The following MAST1 variants were observed in gnomAD, a reference collection of about 807,000 sequenced individuals.
The protein encoded by MAST1 is microtubule associated serine/threonine kinase 1, also known as microtubule-associated serine/threonine-protein kinase 1.
In MAST1, 40 loss-of-function variants were observed where a neutral mutation model predicts 124.6. That is an observed-to-expected ratio of 0.32 (90% CI 0.25 to 0.42). The LOEUF is 0.42. Ranked by LOEUF, MAST1 falls within the 10% of genes least tolerant of loss-of-function variation. The pLI, the probability that MAST1 is intolerant of heterozygous loss-of-function variation, is 1.00. For synonymous variants in MAST1, 938 were observed against 939.4 expected, an observed-to-expected ratio of 1.00 and a Z score of 0.03; for missense variants, 1,558 against 2,181.9, an observed-to-expected ratio of 0.71 and a Z score of 5.70.
chr19:12,847,590 A>T lies in MAST1; in HGVS notation c.489-22A>T. ...GGGCTTGGAGGCAGAGGACTCGACAAAATGGGCTTCTCTCCCCGCAGCCCC... is the reference window on the plus strand; with the variant it reads ...GGGCTTGGAGGCAGAGGACTCGACATAATGGGCTTCTCTCCCCGCAGCCCC... On this transcript the variant is annotated intron_variant, in intron 5 of 25. Transcript: ENST00000251472. The surrounding 1 kb of genome is among the most constrained non-coding windows in gnomAD (Gnocchi z 5.5). 6.2e-7 allele frequency: 1 copy of T among 1,614,006 alleles called. No homozygotes were observed. The highest frequency in any genetic ancestry group is 1.1e-5 in the South Asian group (1 of 91,078).
At chr19:12,852,451 G>T in intron 10 of MAST1, 56 bp downstream of exon 10, 1 of 1,474,638 alleles carries the variant, frequency 6.8e-7, no homozygotes, top group Non-Finnish European at 9.5e-7. Flanking sequence ...GCAGGGTGGG[G>T]CTCATCTCCG....
chr19:12,867,553 C>A lies in MAST1; in HGVS notation c.2219C>A (p.Pro740Gln). The A allele has an allele frequency of 6.2e-7, 1 of 1,613,640 alleles. No homozygotes were observed. Among genetic ancestry groups the A allele is most frequent in the Non-Finnish European group, 8.5e-7 (1 of 1,179,946 alleles). ...VAAAGSSKREPSTKGPEEKVA... is the reference protein window; with the variant it reads ...VAAAGSSKREQSTKGPEEKVA... The stretch of plus-strand genomic sequence containing the variant: ...GCTGCAGGGAGCAGCAAGCGGGAGC[C>A]GAGCACCAAGGGCCCCGAGGAGAAG... Residue 740 changes from proline to glutamine, a missense_variant, in exon 19 of 26, where the codon CCG (proline) becomes CAG (glutamine). By Grantham distance (76) the Pro-to-Gln change is moderately conservative. Around this residue, in one of 10 missense-constraint regions of MAST1, gnomAD observed 287 missense variants for 308.0 expected, o/e 0.93. Transcript: ENST00000251472.
At chr19:12,854,434 T>A (rs1969997797) in intron 10 of MAST1, among the ~76,000 whole-genome samples, 1 of 152,186 alleles carries the variant, frequency 6.6e-6, no homozygotes, top group Non-Finnish European at 1.5e-5. Flanking sequence ...TTTCTGGATA[T>A]TTCCTATAAA....
intron 10 of MAST1, among the ~76,000 whole-genome samples, chr19:12,854,044 C>T (rs1969993345): frequency 6.6e-6 from 1 of 151,138 alleles, no homozygotes; most frequent in African/African-American, 2.4e-5. Flanking sequence ...ACACTCCCTC[C>T]TCATTCCTCC....
intron 10 of MAST1, among the ~76,000 whole-genome samples, chr19:12,853,574 T>A (rs1969987837): frequency 7.1e-6 from 1 of 140,972 alleles, no homozygotes; most frequent in Admixed American, 7.1e-5. Context: ...AAATTAAAAA[T>A]AATAAAGAAT....
In MAST1 at chr19:12,851,966, C is replaced by T. The variant is rs1969965307; in HGVS notation, c.807C>T (p.Ala269=). ...AYERSESLEV[A]FVTQLVKKLL... is the part of the protein sequence containing the mutation. ...AACGCTCTGAGAGCTTGGAGGTGGC[C>T]TTCGTTACTCAGCTGGTGAAGAAGT... is the stretch of plus-strand genomic sequence containing the variant. Residue 269 remains alanine (A), a synonymous_variant, in exon 8 of 26, where the codon GCC becomes GCT. Transcript: ENST00000251472. The T allele has an allele frequency of 6.2e-7, 1 of 1,614,070 alleles. No homozygotes were observed. The highest frequency in any genetic ancestry group is 8.5e-7 in the Non-Finnish European group (1 of 1,180,026).
intron 10 of MAST1, among the ~76,000 whole-genome samples, chr19:12,855,361 CCTGTAGTCCCAGCA>C (rs1323521679): frequency 6.6e-6 from 1 of 152,014 alleles, no homozygotes; most frequent in East Asian, 1.9e-4. Flanking sequence ...GTGGCTCATG[CCTGTAGTCCCAGCA>C]CTTTGGGAAG....
At position 12,869,218 on chromosome 19, in the gene MAST1, A is replaced by C. The variant is rs201443915; in HGVS notation, c.2926A>C (p.Lys976Gln). 1.2e-6 allele frequency: 2 copies of C among 1,614,148 alleles called. No homozygotes were observed. The highest frequency in any genetic ancestry group is 4.5e-5 in the East Asian group (2 of 44,872). Residue 976 changes from lysine (K) to glutamine (Q), a missense_variant, in exon 22 of 26, where the codon AAG becomes CAG. Lys to Gln is a moderately conservative substitution (Grantham distance 53). This residue lies in a region of MAST1 where 291 missense variants were observed against 475.8 expected (regional missense o/e 0.61). Coordinates refer to ENST00000251472, the MANE Select transcript of MAST1 (RefSeq NM_014975.3). ...CATCACCATCCAGCGCTCGGGCAAG[A>C]AGTATGGCTTCACACTGCGTGCCAT... ...SPITIQRSGK[K>Q]YGFTLRAIRV...
At chr19:12,842,512 C>T (rs1969843318) in intron 3 of MAST1, among the ~76,000 whole-genome samples, 1 of 152,078 alleles carries the variant, frequency 6.6e-6, no homozygotes, top group South Asian at 2.1e-4. Context: ...ATGCTGGTCT[C>T]GAACTTCTGA....
rs1969908968 is a variant in MAST1, at chr19:12,847,562, T to C, written c.489-50T>C. ...GTTACATCTTGGGGCGGGGGCTCTCTGCGGGCTTGGAGGCAGAGGACTCGA... is the reference window on the plus strand; with the variant it reads ...GTTACATCTTGGGGCGGGGGCTCTCCGCGGGCTTGGAGGCAGAGGACTCGA... On this transcript the variant is annotated intron_variant, in intron 5 of 25. Transcript: ENST00000251472. This position sits in a 1 kb window ranked among gnomAD's most constrained non-coding sequence, Gnocchi z 5.5. 9 of 1,613,628 alleles carry C rather than the reference T, an allele frequency of 5.6e-6. No homozygotes were observed. The highest frequency in any genetic ancestry group is 3.3e-5 in the Admixed American group (2 of 59,926).
chr19:12,860,228 C>A (rs967443475), intron 12 of MAST1, among the ~76,000 whole-genome samples: 3 of 152,042 alleles, frequency 2.0e-5, no homozygotes, highest in Admixed American at 2.0e-4. Flanking sequence ...CATTCTCCTG[C>A]CTCAGCCTCC....
chr19:12,855,263 A>G (rs1345194209), intron 10 of MAST1, among the ~76,000 whole-genome samples: 1 of 152,106 alleles, frequency 6.6e-6, no homozygotes, highest in Non-Finnish European at 1.5e-5. Flanking sequence ...AAATAAAAGA[A>G]GCAAAATATA....
chr19:12,868,574 G>T, intron 20 of MAST1, 69 bp from the exon 21 acceptor site: 1 of 1,367,774 alleles, frequency 7.3e-7, no homozygotes, highest in Non-Finnish European at 1.0e-6. Flanking sequence ...AGCATTCCAG[G>T]CAGGGAAACA....
rs753807342 is a variant in MAST1, at chr19:12,867,873, G to A, written c.2462G>A (p.Arg821Lys). The A allele has an allele frequency of 7.5e-6, 12 of 1,606,876 alleles. No individual in the cohort carries two copies. Among genetic ancestry groups the A allele is most frequent in the Non-Finnish European group, 9.3e-6 (11 of 1,177,236 alleles). ...QEDEDEARLR[R>K]PPRPSSDPAG... The stretch of plus-strand genomic sequence containing the variant: ...GACGAGGATGAGGCCCGGCTGCGCA[G>A]GCCTCCCCGGCCCAGCTCCGACCCC... Residue 821 changes from arginine (R) to lysine (K), a missense_variant, in exon 20 of 26, where the codon AGG becomes AAG. Arg to Lys is a conservative substitution (Grantham distance 26). Coordinates refer to ENST00000251472, the MANE Select transcript of MAST1 (RefSeq NM_014975.3).
intron 12 of MAST1, among the ~76,000 whole-genome samples, chr19:12,861,852 G>A (rs149958574): frequency 0.022 from 3,286 of 151,638 alleles, 65 homozygotes; most frequent in Middle Eastern, 0.065. Context: ...ACAGGTGCCC[G>A]CCACCACGCC....
intron 7 of MAST1, chr19:12,848,985 A>T (rs1433705283): frequency 2.0e-5 from 3 of 152,234 alleles, no homozygotes; most frequent in African/African-American, 7.2e-5. Context: ...ATGAAATAAA[A>T]TAAAATATTA....
At position 12,841,734 on chromosome 19, in the gene MAST1, T is replaced by C. The variant is rs1229759415; in HGVS notation, c.248+668T>C. ...TATGGGGTCAATGACGTCCTGTCTC[T>C]ACCCTCTGAGTCGAATAGGGCAGGC... On this transcript the variant is annotated intron_variant, in intron 3 of 25. Coordinates refer to ENST00000251472, the MANE Select transcript of MAST1 (RefSeq NM_014975.3). The surrounding 1 kb of genome is among the most constrained non-coding windows in gnomAD (Gnocchi z 4.3). Among the ~76,000 whole-genome samples, 1 of 152,224 alleles carries C rather than the reference T, an allele frequency of 6.6e-6. No homozygotes were observed. The highest frequency in any genetic ancestry group is 1.5e-5 in the Non-Finnish European group (1 of 68,034).
In MAST1 at chr19:12,865,667, A is replaced by AAAC. The variant is rs146361171; in HGVS notation, c.1805-35_1805-33dup. The AAAC allele has an allele frequency of 2.8e-5, 42 of 1,504,248 alleles. No homozygotes were observed. The highest frequency in any genetic ancestry group is 3.4e-5 in the Non-Finnish European group (37 of 1,097,224). The allele number at this position is 1,504,248 out of a possible 1,614,324, so 93.2% of individuals were successfully genotyped here. A position where few individuals can be genotyped will look rare whatever the true frequency, so the allele number is the denominator to read the frequency against. On this transcript the variant is annotated intron_variant, in intron 15 of 25. Coordinates refer to ENST00000251472, the MANE Select transcript of MAST1 (RefSeq NM_014975.3). The surrounding 1 kb of genome is among the most constrained non-coding windows in gnomAD (Gnocchi z 7.1). The stretch of plus-strand genomic sequence containing the variant: ...GGTGACACAGTGAGATCCTGTGTCC[A>AAAC]AACAACAACAACAACAAAAACCGCC...
Position 12,873,697 on chromosome 19 carries a change from G to T in MAST1, c.3540G>T (p.Leu1180=). The change falls in exon 26 of 26, where the codon CTG becomes CTT. Residue 1180 remains leucine (L), a synonymous_variant. Transcript: ENST00000251472. ...CGCACCACATTCGGCCCAGCACGCT[G>T]CACGGACTGTCGCCAAAGCTCCATC... ...SASHHIRPST[L]HGLSPKLHRQ... 1 of 1,602,052 alleles carries T rather than the reference G, an allele frequency of 6.2e-7. No homozygotes were observed. Among genetic ancestry groups the T allele is most frequent in the Non-Finnish European group, 8.5e-7 (1 of 1,178,876 alleles).
Sources: allele counts gnomAD v4.1 joint callset (sites outside exome capture counted in the v4.1 genomes callset), GRCh38; gene constraint gnomAD v4.1.1; regional missense constraint gnomAD v4.1.1; non-coding constraint Gnocchi (gnomAD v3.1); transcripts MANE v1.5; gene names NCBI Gene and HGNC (gene_info 2026-07-23, HGNC 2026-07-21).